The following KCNK13 variants were observed in gnomAD, a reference collection of about 807,000 sequenced individuals.
KCNK13 encodes the protein potassium channel subfamily K member 13.
Under a neutral mutation model 23.4 loss-of-function variants are expected in KCNK13, and 12 were observed. That is an observed-to-expected ratio of 0.51 (90% CI 0.33 to 0.83). KCNK13 has a LOEUF of 0.83. KCNK13 is among the 40% of genes least tolerant of loss of function. KCNK13 has a pLI of 0.02. For synonymous variants in KCNK13, 231 were observed against 229.5 expected (o/e 1.01, Z -0.06); for missense variants, 463 against 556.3 (o/e 0.83, Z 1.69).
At chr14:90,121,829 C>G (rs1296263149) in intron 1 of KCNK13, among the ~76,000 whole-genome samples, 1 of 152,066 alleles carries the variant, frequency 6.6e-6, no homozygotes, top group Non-Finnish European at 1.5e-5. Flanking sequence ...AAGTGATTCT[C>G]CTGCCTCAGC....
At chr14:90,140,830 T>C (rs2140427832) in intron 1 of KCNK13, among the ~76,000 whole-genome samples, 1 of 152,248 alleles carries the variant, frequency 6.6e-6, no homozygotes, top group East Asian at 1.9e-4. Flanking sequence ...TAATGATCAT[T>C]CCTCTGGCTA....
At chr14:90,128,258 A>G (rs1889826124) in intron 1 of KCNK13, among the ~76,000 whole-genome samples, 1 of 152,236 alleles carries the variant, frequency 6.6e-6, no homozygotes, top group Non-Finnish European at 1.5e-5. Context: ...AAAGATTTAC[A>G]ATTTTCTAAG....
At chr14:90,161,051 C>T (rs1199738085) in intron 1 of KCNK13, among the ~76,000 whole-genome samples, 1 of 152,064 alleles carries the variant, frequency 6.6e-6, no homozygotes, top group Non-Finnish European at 1.5e-5. Context: ...ACCCAAGTGT[C>T]CATGGATGGA....
intron 1 of KCNK13, among the ~76,000 whole-genome samples, chr14:90,099,892 C>T (rs1241464474): frequency 6.6e-6 from 1 of 152,168 alleles, no homozygotes; most frequent in Non-Finnish European, 1.5e-5. Context: ...GCAGACTGTC[C>T]CAAATTTGTG....
At chr14:90,176,648 G>A (rs1397670232) in intron 1 of KCNK13, among the ~76,000 whole-genome samples, 1 of 152,202 alleles carries the variant, frequency 6.6e-6, no homozygotes, top group African/African-American at 2.4e-5. Context: ...TGAATCAAGA[G>A]GTATGCTGCA....
At chr14:90,141,577 C>T (rs1890005607) in intron 1 of KCNK13, among the ~76,000 whole-genome samples, 2 of 152,112 alleles carry the variant, frequency 1.3e-5, no homozygotes, top group African/African-American at 4.8e-5. Context: ...CCTGCCTCAG[C>T]CTCCCGAGTA....
At chr14:90,100,867 A>C (rs1566951523) in intron 1 of KCNK13, among the ~76,000 whole-genome samples, 1 of 151,696 alleles carries the variant, frequency 6.6e-6, no homozygotes, top group South Asian at 2.1e-4. Context: ...CAATTGTTTT[A>C]TTTATTTGTA....
At chr14:90,079,439 C>T (rs2146868) in intron 1 of KCNK13, among the ~76,000 whole-genome samples, 1 of 151,880 alleles carries the variant, frequency 6.6e-6, no homozygotes, top group Non-Finnish European at 1.5e-5. Flanking sequence ...GGCAAAGGAA[C>T]TGGGTTTTTA....
At chr14:90,119,154 C>G (rs995424877) in intron 1 of KCNK13, among the ~76,000 whole-genome samples, 16 of 152,074 alleles carry the variant, frequency 1.1e-4, no homozygotes, top group Non-Finnish European at 5.9e-5. Context: ...TAATAAATAG[C>G]CTACCAACCA....
chr14:90,119,288 T>C (rs1282459205), intron 1 of KCNK13, among the ~76,000 whole-genome samples: 3 of 152,190 alleles, frequency 2.0e-5, no homozygotes, highest in Non-Finnish European at 4.4e-5. Flanking sequence ...CCCCAATTCA[T>C]TCTATGAGGC....
Position 90,062,439 on chromosome 14 carries a change from CGAG to C in KCNK13, c.239_241del (p.Glu80del). 1.9e-6 allele frequency: 3 copies of C among 1,547,164 alleles called. No homozygotes were observed. Among genetic ancestry groups the C allele is most frequent in the Non-Finnish European group, 2.6e-6 (3 of 1,145,982 alleles). ...AGCTGCGCGGCTTCCTCCGCCACTA[CGAG>C]GAGGCCACTCGGGCCGGCATCCGCG... On this transcript the variant is annotated inframe_deletion, in exon 1 of 2. Coordinates refer to ENST00000282146, the MANE Select transcript of KCNK13 (RefSeq NM_022054.4). The surrounding 1 kb of genome is among the most constrained non-coding windows in gnomAD (Gnocchi z 4.5).
At chr14:90,065,055 TATC>T (rs1442881698) in intron 1 of KCNK13, among the ~76,000 whole-genome samples, 1 of 152,214 alleles carries the variant, frequency 6.6e-6, no homozygotes, top group Non-Finnish European at 1.5e-5. Context: ...TATGCAGTAA[TATC>T]ATCCAAATTA....
chr14:90,100,124 G>A (rs1315685610), intron 1 of KCNK13, among the ~76,000 whole-genome samples: 1 of 152,140 alleles, frequency 6.6e-6, no homozygotes, highest in Non-Finnish European at 1.5e-5. Flanking sequence ...AAGTTTTTTG[G>A]AGTCGATCCC....
At chr14:90,183,428 A>G (rs1890510326) in intron 1 of KCNK13, among the ~76,000 whole-genome samples, 1 of 151,104 alleles carries the variant, frequency 6.6e-6, no homozygotes, top group Non-Finnish European at 1.5e-5. Context: ...CACCACACAC[A>G]TACACCCTTC....
At chr14:90,090,910 A>G (rs1178338089) in intron 1 of KCNK13, among the ~76,000 whole-genome samples, 1 of 152,158 alleles carries the variant, frequency 6.6e-6, no homozygotes, top group Non-Finnish European at 1.5e-5. Flanking sequence ...GCCATGTGGA[A>G]CTATAAGTCC....
At chr14:90,159,217 G>T (rs980976284) in intron 1 of KCNK13, among the ~76,000 whole-genome samples, 3 of 152,160 alleles carry the variant, frequency 2.0e-5, no homozygotes, top group African/African-American at 7.2e-5. Flanking sequence ...GAGTGCTGAT[G>T]ACCTAAACAC....
In KCNK13 at chr14:90,107,752, C is replaced by T. The variant is rs1889563960; in HGVS notation, c.334+45213C>T. On this transcript the variant is annotated intron_variant, in intron 1 of 1. Transcript: ENST00000282146. ...TCATCAAGCCCACCTTCCCATTCTGCAGGAGGACCCAAGAGATCCTCAGTC... is the reference window on the plus strand; with the variant it reads ...TCATCAAGCCCACCTTCCCATTCTGTAGGAGGACCCAAGAGATCCTCAGTC... 6 of 811,346 alleles carry T rather than the reference C, an allele frequency of 7.4e-6. No homozygotes were observed. The Admixed American group carries it at 8.6e-5, about 12-fold the overall frequency. 50.3% of individuals were successfully genotyped at this position (811,346 alleles called of 1,614,324 possible).
At chr14:90,107,797 G>A in intron 1 of KCNK13, 1 of 853,554 alleles carries the variant, frequency 1.2e-6, no homozygotes. Context: ...TCAAACAAGG[G>A]CTTCTGGAAT....
intron 1 of KCNK13, among the ~76,000 whole-genome samples, chr14:90,168,125 GC>G (rs1371779713): frequency 6.6e-6 from 1 of 152,132 alleles, no homozygotes; most frequent in Non-Finnish European, 1.5e-5. Flanking sequence ...TGTAATCCCA[GC>G]ACTTTGGGAG....
Sources: gnomAD v4.1 joint callset for allele counts (sites outside exome capture counted in the v4.1 genomes callset) on GRCh38, gnomAD v4.1.1 for gene constraint, Gnocchi (gnomAD v3.1) non-coding constraint, MANE v1.5 for transcripts, NCBI Gene and HGNC (gene_info 2026-07-23, HGNC 2026-07-21) for gene names.